Variants in BTN1A1 observed in about 807,000 individuals in gnomAD.
BTN1A1 encodes bK14H9.2 (butyrophilin, subfamily 1, member A1).
A neutral mutation model predicts 33.1 loss-of-function variants in BTN1A1; 26 were observed. The ratio of observed to expected loss-of-function variants is 0.79; its 90% CI spans 0.58 to 1.09. BTN1A1 has a LOEUF of 1.09. BTN1A1 is among the 50% of genes least tolerant of loss of function. BTN1A1 has a pLI of 0.00. For synonymous variants in BTN1A1, 235 were observed against 256.2 expected (o/e 0.92, Z 0.79); for missense variants, 558 against 655.7 (o/e 0.85, Z 1.63).
In BTN1A1 at chr6:26,508,814, T is replaced by C. The variant is rs1199227721; in HGVS notation, c.1221T>C (p.Thr407=). 2 of 1,614,006 alleles carry C rather than the reference T, an allele frequency of 1.2e-6. No homozygotes were observed. The highest frequency in any genetic ancestry group is 8.5e-7 in the Non-Finnish European group (1 of 1,179,998). Residue 407 remains threonine (T), a synonymous_variant, in exon 8 of 8, where the codon ACT becomes ACC. Transcript: ENST00000684113. ...ELYGNGYWAL[T]PLRTPLPLAG... ...ATGGAAATGGGTACTGGGCCCTCAC[T>C]CCTCTCCGGACCCCTCTCCCATTGG...
chr6:26,503,311 C>T (rs2113890638), intron 3 of BTN1A1, among the ~76,000 whole-genome samples: 1 of 151,962 alleles, frequency 6.6e-6, no homozygotes, highest in East Asian at 1.9e-4. Context: ...ATGGCAAAAC[C>T]CCATCTCTAC....
intron 4 of BTN1A1, 101 bp downstream of exon 4, chr6:26,505,307 A>G: frequency 1.6e-6 from 2 of 1,228,704 alleles, no homozygotes; most frequent in South Asian, 1.4e-5. Flanking sequence ...AGAGTTGTCT[A>G]CTTTCCCCAC....
chr6:26,507,884 C>T lies in BTN1A1; in HGVS notation c.860-66C>T, dbSNP rs1055457656. The T allele has an allele frequency of 9.8e-6, 15 of 1,526,922 alleles. No individual in the cohort carries two copies. The Middle Eastern group carries it at 6.8e-4, about 70-fold the overall frequency. 94.6% of individuals were successfully genotyped at this position (1,526,922 alleles called of 1,614,324 possible). A position where few individuals can be genotyped will look rare whatever the true frequency, so the allele number is the denominator to read the frequency against. On this transcript the variant is annotated intron_variant, in intron 5 of 7. Transcript: ENST00000684113. Reference sequence around the variant, plus strand: ...GTTCCTCCTTTGTGTGTTTCCCACACGAGTTTTGTCCCCTCCTTTACGTCC... The same window carrying T: ...GTTCCTCCTTTGTGTGTTTCCCACATGAGTTTTGTCCCCTCCTTTACGTCC...
In BTN1A1 at chr6:26,501,938, G is replaced by A; in HGVS notation, c.427+1G>A. 1 of 1,554,852 alleles carries A rather than the reference G, an allele frequency of 6.4e-7. No homozygotes were observed. Among genetic ancestry groups the A allele is most frequent in the Non-Finnish European group, 8.7e-7 (1 of 1,149,766 alleles). ...GCCCTGGTGCATCTGAAGGTGGCTG[G>A]TGAGTAGACGGGTTTTGACTTTCTC... On this transcript the variant is annotated splice_donor_variant, in intron 3 of 7. Transcript: ENST00000684113. LOFTEE classifies it high-confidence loss of function. The surrounding 1 kb of genome is among the most constrained non-coding windows in gnomAD (Gnocchi z 5.2).
chr6:26,505,654 G>A (rs1763859760), intron 4 of BTN1A1, among the ~76,000 whole-genome samples: 1 of 152,056 alleles, frequency 6.6e-6, no homozygotes, highest in Admixed American at 6.5e-5. Flanking sequence ...TTGAACTTCT[G>A]GCCTCAAGCA....
At chr6:26,506,546 A>G in intron 4 of BTN1A1, 137 bp from the exon 5 acceptor site, 1 of 838,620 alleles carries the variant, frequency 1.2e-6, no homozygotes, top group East Asian at 2.5e-5. Flanking sequence ...GTGGCATTGG[A>G]GTGACTATTT....
intron 3 of BTN1A1, among the ~76,000 whole-genome samples, 193 bp from the exon 4 acceptor site, chr6:26,504,732 T>C (rs779735970): frequency 3.3e-5 from 5 of 152,174 alleles, no homozygotes; most frequent in Non-Finnish European, 5.9e-5. Context: ...CCCAAAGTGC[T>C]GACATTACAG....
chr6:26,507,476 A>C (rs2113894255), intron 5 of BTN1A1, among the ~76,000 whole-genome samples: 1 of 152,294 alleles, frequency 6.6e-6, no homozygotes, highest in South Asian at 2.1e-4. Context: ...TAGTAATCTT[A>C]GCACTTTGGG....
Position 26,501,421 on chromosome 6 carries a change from A to C in BTN1A1, c.79+56A>C. ...GTTGAAATATATCAATAAATGTAAA[A>C]TAAACAATCCCACTTGGCTCTCCCT... On this transcript the variant is annotated intron_variant, in intron 2 of 7. Coordinates refer to ENST00000684113, the MANE Select transcript of BTN1A1 (RefSeq NM_001732.3). This position sits in a 1 kb window ranked among gnomAD's most constrained non-coding sequence, Gnocchi z 5.2. 6.3e-7 allele frequency: 1 copy of C among 1,587,192 alleles called. No individual in the cohort carries two copies. The highest frequency in any genetic ancestry group is 2.2e-5 in the East Asian group (1 of 44,742).
intron 7 of BTN1A1, 27 bp downstream of exon 7, chr6:26,508,114 C>T: frequency 1.3e-6 from 2 of 1,589,670 alleles, no homozygotes; most frequent in Non-Finnish European, 1.7e-6. Context: ...TTCTCTAGGG[C>T]TCTGAGGCTC....
In BTN1A1 at chr6:26,504,915, C is replaced by T; in HGVS notation, c.428-10C>T. 1 of 1,611,500 alleles carries T rather than the reference C, an allele frequency of 6.2e-7. No homozygotes were observed. On this transcript the variant is annotated splice_polypyrimidine_tract_variant and intron_variant, in intron 3 of 7. Coordinates refer to ENST00000684113, the MANE Select transcript of BTN1A1 (RefSeq NM_001732.3). The stretch of plus-strand genomic sequence containing the variant: ...CGCTAAAACATTAAGTCCAGATTCT[C>T]TCTCCATAGCTCTGGGCTCTGACCC...
chr6:26,501,779 A>C lies in BTN1A1; in HGVS notation c.269A>C (p.Glu90Ala). 6.2e-7 allele frequency: 1 copy of C among 1,613,642 alleles called. No homozygotes were observed. Among genetic ancestry groups the C allele is most frequent in the Non-Finnish European group, 8.5e-7 (1 of 1,179,946 alleles). The change falls in exon 3 of 8, where the codon GAG becomes GCG. Residue 90 changes from glutamate (E) to alanine (A), a missense_variant. Glu to Ala is a moderately radical substitution (Grantham distance 107). Coordinates refer to ENST00000684113, the MANE Select transcript of BTN1A1 (RefSeq NM_001732.3). This position sits in a 1 kb window ranked among gnomAD's most constrained non-coding sequence, Gnocchi z 5.2. ...GAGCAGGAAGCCGAGCAGATGCCCG[A>C]GTACCGCGGGCGGGCGACGCTGGTC... ...GREQEAEQMP[E>A]YRGRATLVQD...
At chr6:26,505,293 T>A in intron 4 of BTN1A1, 87 bp downstream of exon 4, 7 of 1,352,066 alleles carry the variant, frequency 5.2e-6, no homozygotes, top group Non-Finnish European at 7.2e-6. Flanking sequence ...TGTGACCTCA[T>A]GGCAGAGTTG....
In BTN1A1 at chr6:26,509,214, C is replaced by A; in HGVS notation, c.*40C>A. The A allele has an allele frequency of 6.5e-7, 1 of 1,528,710 alleles. No individual in the cohort carries two copies. The highest frequency in any genetic ancestry group is 1.4e-5 in the African/African-American group (1 of 72,950). 94.7% of individuals were successfully genotyped at this position (1,528,710 alleles called of 1,614,324 possible). A position where few individuals can be genotyped will look rare whatever the true frequency, so the allele number is the denominator to read the frequency against. ...CATCTGTTTTCCTTTCCTCTAACCC[C>A]TCTCCTCCATAGCCTTCTGAGGCTT... is the stretch of plus-strand genomic sequence containing the variant. On this transcript the variant is annotated 3_prime_UTR_variant, in exon 8 of 8. Coordinates refer to ENST00000684113, the MANE Select transcript of BTN1A1 (RefSeq NM_001732.3).
At position 26,505,028 on chromosome 6, in the gene BTN1A1, G is replaced by A. The variant is rs1315643026; in HGVS notation, c.531G>A (p.Trp177Ter). ...VGWYPEPQVQ[W>*]RTSKGEKFPS... Reference sequence around the variant, plus strand: ...GGTACCCAGAGCCCCAGGTGCAGTGGAGAACTTCCAAGGGAGAGAAGTTTC... The same window carrying A: ...GGTACCCAGAGCCCCAGGTGCAGTGAAGAACTTCCAAGGGAGAGAAGTTTC... The change falls in exon 4 of 8, where the codon TGG (tryptophan) becomes TGA (stop). Residue 177 changes from tryptophan to a stop codon, truncating the protein, a stop_gained. Coordinates refer to ENST00000684113, the MANE Select transcript of BTN1A1 (RefSeq NM_001732.3). LOFTEE classifies it high-confidence loss of function. The A allele has an allele frequency of 2.5e-6, 4 of 1,614,226 alleles. No homozygotes were observed. The highest frequency in any genetic ancestry group is 3.4e-6 in the Non-Finnish European group (4 of 1,180,032).
intron 4 of BTN1A1, among the ~76,000 whole-genome samples, chr6:26,505,884 C>T (rs912427323): frequency 2.0e-5 from 3 of 151,460 alleles, no homozygotes; most frequent in South Asian, 2.1e-4. Context: ...TTTGTGAGGC[C>T]GAGACAGGCA....
At position 26,507,967 on chromosome 6, in the gene BTN1A1, C is replaced by T. The variant is rs746001296; in HGVS notation, c.877C>T (p.Leu293Phe). The T allele has an allele frequency of 7.4e-5, 119 of 1,614,004 alleles. No individual in the cohort carries two copies. The highest frequency in any genetic ancestry group is 9.9e-5 in the Non-Finnish European group (117 of 1,180,008). The change falls in exon 6 of 8, where the codon CTC becomes TTC. Residue 293 changes from leucine to phenylalanine, a missense_variant. Physicochemically the swap from Leu to Phe is conservative, Grantham distance 22 (BLOSUM62 0). Coordinates refer to ENST00000684113, the MANE Select transcript of BTN1A1 (RefSeq NM_001732.3). ...TTTTCCAGAGAGACTCCTGGAAGAA[C>T]TCAGTAAGTTCTGTCTTCTTGTTAT... ...FSSKERLLEE[L>F]KWKKATLHAV...
intron 4 of BTN1A1, among the ~76,000 whole-genome samples, chr6:26,505,819 A>G (rs1263923452): frequency 6.6e-6 from 1 of 152,114 alleles, no homozygotes; most frequent in Non-Finnish European, 1.5e-5. Context: ...CTCCTCAAGT[A>G]AACAAAAAGA....
chr6:26,501,133 A>T lies in BTN1A1; in HGVS notation c.-57-97A>T. 1 of 676,472 alleles carries T rather than the reference A, an allele frequency of 1.5e-6. No individual in the cohort carries two copies. Among genetic ancestry groups the T allele is most frequent in the Non-Finnish European group, 2.7e-6 (1 of 376,110 alleles). 41.9% of individuals were successfully genotyped at this position (676,472 alleles called of 1,614,324 possible). On this transcript the variant is annotated intron_variant, in intron 1 of 7. Coordinates refer to ENST00000684113, the MANE Select transcript of BTN1A1 (RefSeq NM_001732.3). This position sits in a 1 kb window ranked among gnomAD's most constrained non-coding sequence, Gnocchi z 5.2. ...TGAGAGGAGGTTTCAGGGGCAAATG[A>T]CCAGAACACTTGCAGCTGGAAAGAA...
Sources: gnomAD v4.1 joint callset for allele counts (sites outside exome capture counted in the v4.1 genomes callset) on GRCh38, gnomAD v4.1.1 for gene constraint, Gnocchi (gnomAD v3.1) non-coding constraint, MANE v1.5 for transcripts, NCBI Gene and HGNC (gene_info 2026-07-23, HGNC 2026-07-21) for gene names.